Variants in ATP2B2 observed in about 807,000 individuals in gnomAD.
ATP2B2 encodes plasma membrane calcium-transporting ATPase 2.
In ATP2B2, 15 loss-of-function variants were observed where a neutral mutation model predicts 120.0. The ratio of observed to expected loss-of-function variants is 0.12; its 90% CI spans 0.08 to 0.19. The LOEUF is 0.19. ATP2B2 is among the 10% of genes least tolerant of loss of function. The pLI is 1.00. For synonymous variants in ATP2B2, 694 were observed against 700.3 expected (o/e 0.99, Z 0.14); for missense variants, 1,045 against 1,719.8 (o/e 0.61, Z 6.94).
intron 1 of ATP2B2, among the ~76,000 whole-genome samples, chr3:10,475,293 G>A (rs953820750): frequency 1.3e-5 from 2 of 152,240 alleles, no homozygotes; most frequent in African/African-American, 4.8e-5. Context: ...AGCACATGGG[G>A]GAGGTGGGGG....
intron 12 of ATP2B2, among the ~76,000 whole-genome samples, chr3:10,370,939 G>A (rs1462516658): frequency 1.3e-5 from 2 of 152,236 alleles, no homozygotes; most frequent in African/African-American, 4.8e-5. Context: ...AGCATGGTGA[G>A]TCTAGACAGC....
chr3:10,439,448 C>T (rs1057185921), intron 2 of ATP2B2, among the ~76,000 whole-genome samples: 3 of 152,136 alleles, frequency 2.0e-5, no homozygotes, highest in Non-Finnish European at 2.9e-5. Flanking sequence ...CCTTGGGGCC[C>T]CCGCAAAGAC....
intron 21 of ATP2B2, among the ~76,000 whole-genome samples, chr3:10,339,427 G>A (rs2060214162): frequency 6.6e-6 from 1 of 152,236 alleles, no homozygotes; most frequent in Non-Finnish European, 1.5e-5. Context: ...GGATGTGTGA[G>A]CACCTTGGGA....
chr3:10,418,216 CTT>C (rs909122999), intron 2 of ATP2B2, among the ~76,000 whole-genome samples: 3 of 152,192 alleles, frequency 2.0e-5, no homozygotes, highest in African/African-American at 7.2e-5. Flanking sequence ...CCTCTCCTCT[CTT>C]TGTCTGGATT....
intron 16 of ATP2B2, 46 bp downstream of exon 16, chr3:10,350,066 G>A: frequency 6.3e-7 from 1 of 1,588,614 alleles, no homozygotes. Context: ...CCAGCTTCTG[G>A]CCTGGTGCTG....
At chr3:10,595,449 A>G (rs779555241) in intron 2 of ATP2B2, among the ~76,000 whole-genome samples, 2 of 152,218 alleles carry the variant, frequency 1.3e-5, no homozygotes, top group African/African-American at 2.4e-5. Context: ...TTATAAAATA[A>G]TTATTTGTGG....
chr3:10,537,524 A>G (rs1277960408), intron 2 of ATP2B2, among the ~76,000 whole-genome samples: 5 of 151,454 alleles, frequency 3.3e-5, no homozygotes, highest in Admixed American at 3.3e-4. Context: ...TTTTTTTTGT[A>G]TGCTTAGCTT....
intron 1 of ATP2B2, among the ~76,000 whole-genome samples, chr3:10,640,950 C>G (rs571828568): frequency 6.6e-6 from 1 of 152,160 alleles, no homozygotes; most frequent in African/African-American, 2.4e-5. Flanking sequence ...TCCTCAGAGC[C>G]CCTTCAACAT....
chr3:10,706,463 C>G (rs1199996411), intron 1 of ATP2B2, among the ~76,000 whole-genome samples: 6 of 152,186 alleles, frequency 3.9e-5, no homozygotes, highest in Non-Finnish European at 7.3e-5. Context: ...GTTAGCCCAC[C>G]CAGTGGCTCC....
chr3:10,635,876 G>A lies in ATP2B2; in HGVS notation c.-459-15915C>T, dbSNP rs750228058. On this transcript the variant is annotated intron_variant, in intron 1 of 21. Transcript: ENST00000646379. This position sits in a 1 kb window ranked among gnomAD's most constrained non-coding sequence, Gnocchi z 4.3. ...TGCTGGCAAGGGAGGCTGCAGTGGC[G>A]GCTGCAAGTGTCACTCCCAGGCCTT... is the stretch of plus-strand genomic sequence containing the variant. Among the ~76,000 whole-genome samples, 8 of 152,164 alleles carry A rather than the reference G, an allele frequency of 5.3e-5. No individual in the cohort carries two copies. Among genetic ancestry groups the A allele is most frequent in the Admixed American group, 1.3e-4 (2 of 15,278 alleles).
chr3:10,585,075 ACT>A (rs1435903693), intron 2 of ATP2B2, among the ~76,000 whole-genome samples: 1 of 151,654 alleles, frequency 6.6e-6, no homozygotes. Flanking sequence ...GATGCCGGCA[ACT>A]CTCTCTGGCT....
intron 1 of ATP2B2, among the ~76,000 whole-genome samples, chr3:10,630,688 A>G (rs2069837998): frequency 6.6e-6 from 1 of 152,174 alleles, no homozygotes; most frequent in Non-Finnish European, 1.5e-5. Context: ...GCTCAGGTGA[A>G]GTTATTGTTA....
intron 1 of ATP2B2, among the ~76,000 whole-genome samples, chr3:10,458,305 C>T (rs961556730): frequency 6.6e-6 from 1 of 152,178 alleles, no homozygotes; most frequent in Non-Finnish European, 1.5e-5. Flanking sequence ...CCACACAGAG[C>T]CCCCCAGTAA....
At chr3:10,547,649 C>T (rs1005819280) in intron 2 of ATP2B2, among the ~76,000 whole-genome samples, 1 of 152,178 alleles carries the variant, frequency 6.6e-6, no homozygotes, top group African/African-American at 2.4e-5. Flanking sequence ...TAAAGCCACA[C>T]AGCTGGTCCG....
chr3:10,602,363 C>T (rs907601288), intron 2 of ATP2B2, among the ~76,000 whole-genome samples: 1 of 152,172 alleles, frequency 6.6e-6, no homozygotes, highest in Non-Finnish European at 1.5e-5. Context: ...CAGAGTGTGT[C>T]CTTAGACCAT....
intron 2 of ATP2B2, among the ~76,000 whole-genome samples, chr3:10,540,229 G>C (rs1218630912): frequency 6.6e-6 from 1 of 152,210 alleles, no homozygotes; most frequent in African/African-American, 2.4e-5. Context: ...ACAGGTGCTG[G>C]AGAGGATGTA....
At chr3:10,704,432 T>C (rs1470274713) in intron 1 of ATP2B2, among the ~76,000 whole-genome samples, 1 of 152,156 alleles carries the variant, frequency 6.6e-6, no homozygotes, top group Non-Finnish European at 1.5e-5. Context: ...GCTACCTAAT[T>C]TGTGGGACCC....
chr3:10,516,615 G>A (rs1366676676), intron 3 of ATP2B2, among the ~76,000 whole-genome samples: 2 of 152,294 alleles, frequency 1.3e-5, no homozygotes, highest in African/African-American at 2.4e-5. Context: ...CCCCAGCCAG[G>A]GGACTCATGG....
intron 2 of ATP2B2, among the ~76,000 whole-genome samples, chr3:10,448,848 A>G (rs959477259): frequency 3.3e-5 from 5 of 152,272 alleles, no homozygotes; most frequent in South Asian, 2.1e-4. Flanking sequence ...ACTCAAGCCC[A>G]CACTAGGGAA....
Sources: allele counts gnomAD v4.1 joint callset (sites outside exome capture counted in the v4.1 genomes callset), GRCh38; gene constraint gnomAD v4.1.1; non-coding constraint Gnocchi (gnomAD v3.1); transcripts MANE v1.5; gene names NCBI Gene and HGNC (gene_info 2026-07-23, HGNC 2026-07-21).